Variants in VAV3 observed in about 807,000 individuals in gnomAD.
The protein encoded by VAV3 is guanine nucleotide exchange factor VAV3.
Under a neutral mutation model 131.2 loss-of-function variants are expected in VAV3, and 94 were observed. That is an observed-to-expected ratio of 0.72 (90% CI 0.61 to 0.85). The LOEUF is 0.85. VAV3 is among the 40% of genes least tolerant of loss of function. The probability of loss-of-function intolerance (pLI) is 0.00; values close to 1 mark genes in which losing one functional copy is unlikely to be tolerated. For synonymous variants in VAV3, 349 were observed against 342.0 expected (o/e 1.02, Z -0.22); for missense variants, 939 against 1,002.7 (o/e 0.94, Z 0.86).
Position 107,842,133 on chromosome 1 carries a change from C to A in VAV3, c.321+32768G>T, listed in dbSNP as rs570155032. Reference sequence around the variant, plus strand: ...GAGAATACTGAAAAACAATTTCTAGCAAATGTTTACCTTCATACTTATATT... The same window carrying A: ...GAGAATACTGAAAAACAATTTCTAGAAAATGTTTACCTTCATACTTATATT... On this transcript the variant is annotated intron_variant, in intron 2 of 26. Coordinates refer to ENST00000370056, the MANE Select transcript of VAV3 (RefSeq NM_006113.5). 9.9e-4 allele frequency among the ~76,000 whole-genome samples: 151 copies of A among 152,210 alleles called. 1 individual carries two copies. Among genetic ancestry groups the A allele is most frequent in the African/African-American group, 3.6e-3 (150 of 41,526 alleles).
At chr1:107,929,948 C>A (rs1673343795) in intron 1 of VAV3, among the ~76,000 whole-genome samples, 1 of 152,006 alleles carries the variant, frequency 6.6e-6, no homozygotes, top group Admixed American at 6.6e-5. Flanking sequence ...GAGAGACAAA[C>A]TTTGCATGGT....
intron 2 of VAV3, among the ~76,000 whole-genome samples, chr1:107,836,836 A>G (rs1464408903): frequency 6.6e-6 from 1 of 152,146 alleles, no homozygotes; most frequent in Non-Finnish European, 1.5e-5. Flanking sequence ...CTCCTAGAAT[A>G]ACACAACCTC....
At chr1:107,609,320 C>T (rs891922617) in intron 22 of VAV3, 2 of 152,006 alleles carry the variant, frequency 1.3e-5, no homozygotes, top group African/African-American at 4.8e-5. Context: ...TACTTTCAGC[C>T]TCCAAGTGGT....
chr1:107,627,431 G>A (rs1401689459), intron 20 of VAV3, among the ~76,000 whole-genome samples: 3 of 152,110 alleles, frequency 2.0e-5, no homozygotes, highest in Non-Finnish European at 2.9e-5. Flanking sequence ...TATGAGAATT[G>A]GGAAGGCAGA....
intron 15 of VAV3, 93 bp from the exon 16 acceptor site, chr1:107,705,154 A>AGGTAGAG (rs1343661505): frequency 9.9e-7 from 1 of 1,008,038 alleles, no homozygotes; most frequent in Non-Finnish European, 1.5e-6. Context: ...AAATGACATC[A>AGGTAGAG]GGTAGAGATC....
At chr1:107,756,069 G>T (rs1286803918) in intron 11 of VAV3, among the ~76,000 whole-genome samples, 1 of 152,192 alleles carries the variant, frequency 6.6e-6, no homozygotes, top group East Asian at 1.9e-4. Context: ...AAGTAAAGGA[G>T]AGGTGAGGAA....
rs1355503400 is a variant in VAV3 at position 107,772,805 on chromosome 1, C to A, written c.485G>T (p.Cys162Phe). Residue 162 changes from cysteine to phenylalanine, a missense_variant, in exon 5 of 27, where the codon TGT (cysteine) becomes TTT (phenylalanine). By Grantham distance (205) the Cys-to-Phe change is radical (BLOSUM62 -2). Transcript: ENST00000370056. ...LVEDEEDLYD[C>F]VYGEDEGGEV... Reference sequence around the variant, plus strand: ...TCCACCTTCATCTTCCCCATAAACACAGTCATAGAGATCTTCTTCATCTTC... The same window carrying A: ...TCCACCTTCATCTTCCCCATAAACAAAGTCATAGAGATCTTCTTCATCTTC... 1 of 1,613,798 alleles carries A rather than the reference C, an allele frequency of 6.2e-7. No individual in the cohort carries two copies. Among genetic ancestry groups the A allele is most frequent in the South Asian group, 1.1e-5 (1 of 91,044 alleles).
chr1:107,885,950 T>C (rs1437390793), intron 1 of VAV3, among the ~76,000 whole-genome samples: 1 of 152,166 alleles, frequency 6.6e-6, no homozygotes, highest in Admixed American at 6.5e-5. Flanking sequence ...TCAATCCCAC[T>C]AGGTTTAGTT....
intron 2 of VAV3, among the ~76,000 whole-genome samples, chr1:107,803,984 T>A (rs1666946314): frequency 6.6e-6 from 1 of 152,068 alleles, no homozygotes; most frequent in South Asian, 2.1e-4. Flanking sequence ...CTTATATTAT[T>A]AATATAGTCA....
intron 15 of VAV3, among the ~76,000 whole-genome samples, chr1:107,745,945 G>C (rs1663315975): frequency 6.6e-6 from 1 of 152,152 alleles, no homozygotes; most frequent in Non-Finnish European, 1.5e-5. Flanking sequence ...AAGACACTGG[G>C]AAGAAGCCAT....
chr1:107,808,642 A>G (rs1218637526), intron 2 of VAV3, among the ~76,000 whole-genome samples: 1 of 151,964 alleles, frequency 6.6e-6, no homozygotes, highest in African/African-American at 2.4e-5. Flanking sequence ...ACTAAAATGT[A>G]AGACAAGACA....
At chr1:107,738,762 C>G (rs1662834301) in intron 15 of VAV3, among the ~76,000 whole-genome samples, 1 of 152,076 alleles carries the variant, frequency 6.6e-6, no homozygotes, top group South Asian at 2.1e-4. Flanking sequence ...TGATTATTAT[C>G]ATAGAATTCA....
intron 19 of VAV3, among the ~76,000 whole-genome samples, chr1:107,662,773 A>G (rs141228011): frequency 2.0e-5 from 3 of 152,216 alleles, no homozygotes; most frequent in African/African-American, 4.8e-5. Context: ...AGAAAAAGAC[A>G]TATTAGTCAT....
At chr1:107,780,179 A>T (rs1376832405) in intron 2 of VAV3, among the ~76,000 whole-genome samples, 1 of 152,214 alleles carries the variant, frequency 6.6e-6, no homozygotes, top group Non-Finnish European at 1.5e-5. Flanking sequence ...GATAATGCCT[A>T]TAATAATAGT....
chr1:107,815,549 T>G (rs1667527864), intron 2 of VAV3, among the ~76,000 whole-genome samples: 1 of 152,196 alleles, frequency 6.6e-6, no homozygotes, highest in African/African-American at 2.4e-5. Flanking sequence ...TCTAAATTAT[T>G]CCTTTCCAAT....
chr1:107,730,325 G>T (rs988723515), intron 15 of VAV3, among the ~76,000 whole-genome samples: 17 of 152,220 alleles, frequency 1.1e-4, no homozygotes, highest in Non-Finnish European at 4.4e-5. Flanking sequence ...TTTATTTAAC[G>T]ATCATCTGAA....
intron 2 of VAV3, among the ~76,000 whole-genome samples, chr1:107,870,084 CT>C (rs1175897143): frequency 2.6e-5 from 4 of 152,142 alleles, no homozygotes; most frequent in African/African-American, 9.7e-5. Flanking sequence ...GTGAATTGTG[CT>C]GCTATAAACA....
intron 21 of VAV3, among the ~76,000 whole-genome samples, chr1:107,616,517 T>A (rs886213273): frequency 2.0e-5 from 3 of 152,092 alleles, no homozygotes; most frequent in African/African-American, 7.2e-5. Context: ...CACAATAATC[T>A]GTACACCAAA....
chr1:107,596,164 C>T, intron 25 of VAV3, 48 bp downstream of exon 25: 4 of 1,592,628 alleles, frequency 2.5e-6, no homozygotes, highest in Non-Finnish European at 2.6e-6. Context: ...TTATTGTGCC[C>T]CTAATTTTTA....
Sources: gnomAD v4.1 joint callset for allele counts (sites outside exome capture counted in the v4.1 genomes callset) on GRCh38, gnomAD v4.1.1 for gene constraint, MANE v1.5 for transcripts, NCBI Gene and HGNC (gene_info 2026-07-23, HGNC 2026-07-21) for gene names.